Variants in COL23A1 observed in about 807,000 individuals in gnomAD.
The protein encoded by COL23A1 is collagen alpha-1(XXIII) chain.
Under a neutral mutation model 99.3 loss-of-function variants are expected in COL23A1, and 97 were observed. The observed-to-expected ratio is 0.98, with a 90% CI of 0.83 to 1.16. COL23A1 has a LOEUF of 1.16. Ranked by LOEUF, COL23A1 falls within the 50% of genes most tolerant of loss-of-function variation. The probability of loss-of-function intolerance (pLI) is 0.00; values close to 1 mark genes in which losing one functional copy is unlikely to be tolerated. For missense variants in COL23A1, 762 were observed against 757.4 expected, an observed-to-expected ratio of 1.01 and a Z score of -0.07; for synonymous variants, 320 against 308.2, an observed-to-expected ratio of 1.04 and a Z score of -0.40.
intron 3 of COL23A1, among the ~76,000 whole-genome samples, chr5:178,302,736 T>C (rs1382406134): frequency 6.6e-6 from 1 of 152,238 alleles, no homozygotes; most frequent in Non-Finnish European, 1.5e-5. Flanking sequence ...ACTGGTGTTA[T>C]CACCTCAAGC....
intron 2 of COL23A1, among the ~76,000 whole-genome samples, chr5:178,337,540 G>A (rs1399538882): frequency 2.0e-5 from 3 of 152,236 alleles, no homozygotes; most frequent in Non-Finnish European, 4.4e-5. Flanking sequence ...GAGAGACGGA[G>A]TGGGGTGCAG....
intron 2 of COL23A1, among the ~76,000 whole-genome samples, chr5:178,431,845 T>C (rs1766283184): frequency 6.6e-6 from 1 of 152,266 alleles, no homozygotes; most frequent in Non-Finnish European, 1.5e-5. Flanking sequence ...AGCCACCTTC[T>C]TGAATTGTCA....
intron 2 of COL23A1, among the ~76,000 whole-genome samples, chr5:178,325,493 T>A (rs1759597760): frequency 6.6e-6 from 1 of 151,774 alleles, no homozygotes; most frequent in South Asian, 2.1e-4. Flanking sequence ...TCCCTCTTTT[T>A]TTTTTTGGCC....
In COL23A1 at chr5:178,290,519, C is replaced by T. The variant is rs754700699; in HGVS notation, c.407-150G>A. ...ATGCTGCCATGGCTGTTTCCTGCCA[C>T]GGCCTGAAGCTGGGGGCAGAGCAGA... On this transcript the variant is annotated intron_variant, in intron 3 of 28. Coordinates refer to ENST00000390654, the MANE Select transcript of COL23A1 (RefSeq NM_173465.4). The T allele has an allele frequency of 5.7e-5, 59 of 1,026,378 alleles. No homozygotes were observed. The East Asian group carries it at 7.9e-4, about 14-fold the overall frequency. 63.6% of individuals were successfully genotyped at this position (1,026,378 alleles called of 1,614,324 possible).
chr5:178,438,651 G>C (rs563140754), intron 2 of COL23A1: 2 of 151,876 alleles, frequency 1.3e-5, no homozygotes, highest in Non-Finnish European at 2.9e-5. Context: ...AGTGGAATCT[G>C]GTTTTATTTT....
intron 2 of COL23A1, among the ~76,000 whole-genome samples, chr5:178,332,579 G>A (rs924837739): frequency 5.9e-5 from 9 of 152,134 alleles, no homozygotes; most frequent in Admixed American, 3.3e-4. Flanking sequence ...CCCTGGCAGG[G>A]CTTCAAACTC....
At chr5:178,552,403 G>T (rs1430898184) in intron 2 of COL23A1, among the ~76,000 whole-genome samples, 1 of 152,114 alleles carries the variant, frequency 6.6e-6, no homozygotes, top group East Asian at 1.9e-4. Context: ...ACACACAAAT[G>T]ACCTCCTTTC....
At chr5:178,570,096 ATTTCTT>A (rs1763015690) in intron 1 of COL23A1, among the ~76,000 whole-genome samples, 1 of 146,514 alleles carries the variant, frequency 6.8e-6, no homozygotes. Context: ...ATCACAGTTC[ATTTCTT>A]TTTCTTTTTC....
At chr5:178,368,664 C>G (rs1373814755) in intron 2 of COL23A1, among the ~76,000 whole-genome samples, 1 of 149,712 alleles carries the variant, frequency 6.7e-6, no homozygotes, top group Admixed American at 6.6e-5. Flanking sequence ...CCTCCAGAAG[C>G]CATCGGCCTC....
intron 5 of COL23A1, among the ~76,000 whole-genome samples, chr5:178,275,782 T>C (rs1333547062): frequency 2.0e-5 from 3 of 152,166 alleles, no homozygotes; most frequent in Non-Finnish European, 4.4e-5. Context: ...CCACGGGAGC[T>C]GATTCACCGG....
At chr5:178,414,439 C>T (rs961374887) in intron 2 of COL23A1, among the ~76,000 whole-genome samples, 7 of 152,110 alleles carry the variant, frequency 4.6e-5, no homozygotes, top group Non-Finnish European at 7.4e-5. Flanking sequence ...TGTTTTCCCT[C>T]CCATTTACCA....
At chr5:178,290,815 G>T (rs920589018) in intron 3 of COL23A1, among the ~76,000 whole-genome samples, 12 of 152,128 alleles carry the variant, frequency 7.9e-5, no homozygotes, top group Admixed American at 5.2e-4. Flanking sequence ...AGGCTTTTTG[G>T]GGGAGGGGGC....
intron 2 of COL23A1, among the ~76,000 whole-genome samples, chr5:178,461,217 G>C (rs915792909): frequency 6.6e-6 from 1 of 152,210 alleles, no homozygotes; most frequent in African/African-American, 2.4e-5. Context: ...CTCCACAGGA[G>C]CATCAGTGTG....
At chr5:178,454,076 G>T (rs889972124) in intron 2 of COL23A1, among the ~76,000 whole-genome samples, 11 of 152,086 alleles carry the variant, frequency 7.2e-5, no homozygotes, top group African/African-American at 2.7e-4. Flanking sequence ...TCATACGGTG[G>T]AGCACAGAAA....
intron 27 of COL23A1, among the ~76,000 whole-genome samples, chr5:178,241,393 G>A (rs562409192): frequency 4.0e-4 from 61 of 152,178 alleles, no homozygotes; most frequent in Admixed American, 3.8e-3. Context: ...TGCTGCCCCA[G>A]CCCAGAGAGA....
intron 5 of COL23A1, among the ~76,000 whole-genome samples, chr5:178,282,259 T>A (rs1756939849): frequency 6.6e-6 from 1 of 152,076 alleles, no homozygotes. Flanking sequence ...GGAGGTGAAA[T>A]GAAGAAATGG....
chr5:178,480,439 G>A (rs1018590216), intron 2 of COL23A1, among the ~76,000 whole-genome samples: 13 of 152,172 alleles, frequency 8.5e-5, no homozygotes, highest in Non-Finnish European at 1.5e-4. Context: ...CAGTCTCCCA[G>A]AGCTCCTGAA....
rs1765635929 is a variant in COL23A1, at chr5:178,261,713, A to G, written c.702+9T>C. The G allele has an allele frequency of 6.2e-7, 1 of 1,605,982 alleles. No homozygotes were observed. The highest frequency in any genetic ancestry group is 1.3e-5 in the African/African-American group (1 of 74,774). ...CTGGGGAGGGGCATGGGGAATAAGG[A>G]GTACTCACCTTGGGCCCTGGGGGTC... On this transcript the variant is annotated intron_variant, in intron 11 of 28. Transcript: ENST00000390654.
intron 2 of COL23A1, among the ~76,000 whole-genome samples, chr5:178,500,538 G>A (rs1266418797): frequency 2.7e-5 from 4 of 150,706 alleles, no homozygotes; most frequent in Middle Eastern, 3.4e-3. Flanking sequence ...CCAGGAGTTC[G>A]AGGTAGTAGT....
Sources: allele counts gnomAD v4.1 joint callset (sites outside exome capture counted in the v4.1 genomes callset), GRCh38; gene constraint gnomAD v4.1.1; transcripts MANE v1.5; gene names NCBI Gene and HGNC (gene_info 2026-07-23, HGNC 2026-07-21).